Variants in TBC1D5 observed in about 807,000 individuals in gnomAD.
TBC1D5 encodes TBC1 domain family, member 5.
In TBC1D5, 75 loss-of-function variants were observed where a neutral mutation model predicts 100.3. The ratio of observed to expected loss-of-function variants is 0.75; its 90% CI spans 0.62 to 0.91. The LOEUF is 0.91. Ranked by LOEUF, TBC1D5 falls within the 40% of genes least tolerant of loss-of-function variation. The probability of loss-of-function intolerance (pLI) is 0.00; values close to 1 mark genes in which losing one functional copy is unlikely to be tolerated. For synonymous variants in TBC1D5, 323 were observed against 325.6 expected (o/e 0.99, Z 0.09); for missense variants, 910 against 942.4 (o/e 0.97, Z 0.45).
At chr3:17,272,289 A>G (rs1322848581) in intron 15 of TBC1D5, among the ~76,000 whole-genome samples, 1 of 149,600 alleles carries the variant, frequency 6.7e-6, no homozygotes, top group African/African-American at 2.6e-5. Context: ...AAAATCAACA[A>G]ATGATACACT....
intron 13 of TBC1D5, among the ~76,000 whole-genome samples, chr3:17,332,666 T>C (rs566213650): frequency 2.6e-4 from 39 of 149,334 alleles, no homozygotes; most frequent in African/African-American, 8.9e-4. Flanking sequence ...CCAGTGGAAG[T>C]AGGGGGAAAA....
At chr3:17,722,498 T>C (rs1560555745) in intron 1 of TBC1D5, among the ~76,000 whole-genome samples, 1 of 152,236 alleles carries the variant, frequency 6.6e-6, no homozygotes, top group African/African-American at 2.4e-5. Context: ...TTTCCACCTC[T>C]GGTGTCACAT....
At chr3:17,241,004 T>C (rs1038792377) in intron 16 of TBC1D5, among the ~76,000 whole-genome samples, 3 of 152,178 alleles carry the variant, frequency 2.0e-5, no homozygotes, top group Admixed American at 1.3e-4. Flanking sequence ...TTTTCCTTTG[T>C]TGAACATTTT....
At chr3:17,713,468 TC>T (rs2074950517) in intron 1 of TBC1D5, among the ~76,000 whole-genome samples, 1 of 152,112 alleles carries the variant, frequency 6.6e-6, no homozygotes, top group Admixed American at 6.5e-5. Flanking sequence ...GGTCTCAAAG[TC>T]CTGACCTCAT....
chr3:17,248,229 TG>T (rs763876372), intron 16 of TBC1D5, among the ~76,000 whole-genome samples: 3 of 152,178 alleles, frequency 2.0e-5, no homozygotes, highest in East Asian at 1.9e-4. Context: ...TGACCTCAGG[TG>T]ATCTGCTCGC....
In TBC1D5 at chr3:17,602,053, A is replaced by C. The variant is rs546192059; in HGVS notation, c.-36+21796T>G. 1.8e-4 allele frequency among the ~76,000 whole-genome samples: 27 copies of C among 152,134 alleles called. No homozygotes were observed. The South Asian group carries it at 2.3e-3, about 13-fold the overall frequency. On this transcript the variant is annotated intron_variant, in intron 2 of 21. Coordinates refer to ENST00000253692, the Ensembl canonical transcript of TBC1D5. ...TCACCGTGTTAACCAGGATGGTCTC[A>C]ATCCCCTGACCTCGTGATCCGCCCA...
At chr3:17,459,191 G>C (rs1281372946) in intron 3 of TBC1D5, among the ~76,000 whole-genome samples, 1 of 152,154 alleles carries the variant, frequency 6.6e-6, no homozygotes, top group Middle Eastern at 3.2e-3. Flanking sequence ...GTTTCTTATA[G>C]AGCAGCGGTC....
chr3:17,659,952 G>A (rs2066484572), intron 1 of TBC1D5, among the ~76,000 whole-genome samples: 1 of 151,576 alleles, frequency 6.6e-6, no homozygotes, highest in South Asian at 2.1e-4. Flanking sequence ...TGAGAATTTG[G>A]GCCCACAGAA....
chr3:17,348,470 C>T (rs73145860), intron 13 of TBC1D5, among the ~76,000 whole-genome samples: 13,705 of 151,744 alleles, frequency 0.09, 1,416 homozygotes, highest in African/African-American at 0.26. Flanking sequence ...TGCTGGTCCT[C>T]GCACTACACT....
intron 3 of TBC1D5, among the ~76,000 whole-genome samples, chr3:17,499,283 C>T (rs770298347): frequency 6.6e-6 from 1 of 152,082 alleles, no homozygotes; most frequent in Non-Finnish European, 1.5e-5. Context: ...ATTTCACTAC[C>T]AAGCCATGAA....
intron 1 of TBC1D5, among the ~76,000 whole-genome samples, chr3:17,653,798 T>C (rs888663679): frequency 6.6e-6 from 1 of 152,082 alleles, no homozygotes; most frequent in Non-Finnish European, 1.5e-5. Flanking sequence ...AACTCTTAAA[T>C]TATTTCAAAA....
intron 13 of TBC1D5, among the ~76,000 whole-genome samples, chr3:17,326,230 G>A (rs764776783): frequency 6.6e-6 from 1 of 152,170 alleles, no homozygotes; most frequent in South Asian, 2.1e-4. Context: ...GAGCAAAACT[G>A]TGTTCCATCC....
Position 17,541,311 on chromosome 3 carries a change from A to G in TBC1D5, c.-35-32706T>C, listed in dbSNP as rs145227620. On this transcript the variant is annotated intron_variant, in intron 2 of 21. Coordinates refer to ENST00000253692, the Ensembl canonical transcript of TBC1D5. The stretch of plus-strand genomic sequence containing the variant: ...AAGTCTTCTAATCCATGAACATGCA[A>G]TGTGTTTCCACTTATTTATGTCTTT... 3.5e-4 allele frequency among the ~76,000 whole-genome samples: 53 copies of G among 152,216 alleles called. 1 individual carries two copies. The highest frequency in any genetic ancestry group is 1.2e-4 in the Non-Finnish European group (8 of 67,994).
chr3:17,299,189 T>C (rs1182643755), intron 14 of TBC1D5, among the ~76,000 whole-genome samples: 2 of 152,192 alleles, frequency 1.3e-5, no homozygotes, highest in East Asian at 3.8e-4. Context: ...AAGATTGCTA[T>C]TAAGTGGCTA....
At chr3:17,706,154 G>T in intron 1 of TBC1D5, 9 of 1,586,940 alleles carry the variant, frequency 5.7e-6, no homozygotes, top group Non-Finnish European at 7.7e-6. Context: ...TGCAGTTGAT[G>T]GGGGAGACAT....
chr3:17,223,682 G>A (rs548467282), intron 17 of TBC1D5, among the ~76,000 whole-genome samples: 2 of 152,208 alleles, frequency 1.3e-5, no homozygotes, highest in South Asian at 2.1e-4. Flanking sequence ...CTGACATGGC[G>A]AAACCCCATC....
chr3:17,703,388 T>A (rs1379134287), intron 1 of TBC1D5, among the ~76,000 whole-genome samples: 2 of 152,110 alleles, frequency 1.3e-5, no homozygotes, highest in African/African-American at 4.8e-5. Flanking sequence ...TACTTCCTGA[T>A]CCCTACTTGA....
At chr3:17,350,282 C>A (rs1304691935) in intron 13 of TBC1D5, among the ~76,000 whole-genome samples, 2 of 151,912 alleles carry the variant, frequency 1.3e-5, no homozygotes, top group African/African-American at 4.8e-5. Flanking sequence ...GAAAACAGAA[C>A]TTAAAATATG....
chr3:17,608,316 T>G (rs2061465005), intron 2 of TBC1D5, among the ~76,000 whole-genome samples: 1 of 152,008 alleles, frequency 6.6e-6, no homozygotes, highest in Non-Finnish European at 1.5e-5. Flanking sequence ...TTTACTCAAC[T>G]GTAATAAAAC....
Sources: gnomAD v4.1 joint callset for allele counts (sites outside exome capture counted in the v4.1 genomes callset) on GRCh38, gnomAD v4.1.1 for gene constraint, MANE v1.5 for transcripts, NCBI Gene and HGNC (gene_info 2026-07-23, HGNC 2026-07-21) for gene names.